Variants in ADAMTS18 observed in about 807,000 individuals in gnomAD.
ADAMTS18 encodes the protein A disintegrin and metalloproteinase with thrombospondin motifs 18.
Under a neutral mutation model 165.9 loss-of-function variants are expected in ADAMTS18, and 157 were observed. That is an observed-to-expected ratio of 0.95 (90% CI 0.83 to 1.08). The LOEUF is 1.08. Among genes scored for constraint, ADAMTS18 ranks in the 50% least tolerant of loss-of-function variants. ADAMTS18 has a pLI of 0.00. For synonymous variants in ADAMTS18, 782 were observed against 578.2 expected (o/e 1.35, Z -5.06); for missense variants, 2,040 against 1,534.0 (o/e 1.33, Z -5.51).
At chr16:77,370,790 G>GATATATATATATATATATATAT (rs148727471) in intron 3 of ADAMTS18, among the ~76,000 whole-genome samples, 35 of 147,052 alleles carry the variant, frequency 2.4e-4, no homozygotes, top group African/African-American at 8.4e-4. Context: ...TAATAGCTAC[G>GATATATATATATATATATATAT]ATATATATAT....
chr16:77,376,985 TTGTATTTTTAGTAGAGA>T (rs558203783), intron 3 of ADAMTS18, among the ~76,000 whole-genome samples: 40 of 152,114 alleles, frequency 2.6e-4, no homozygotes, highest in African/African-American at 9.2e-4. Flanking sequence ...CGGCTAGGTT[TTGTATTTTTAGTAGAGA>T]TGAGGTTTCA....
intron 10 of ADAMTS18, 99 bp from the exon 11 acceptor site, chr16:77,341,898 G>T: frequency 1.0e-6 from 1 of 955,392 alleles, no homozygotes; most frequent in Non-Finnish European, 1.6e-6. Context: ...TGGGGTAGCT[G>T]AAATCAGAGC....
Position 77,362,250 on chromosome 16 carries a change from G to A in ADAMTS18, c.1071C>T (p.Ile357=). ...LLEQEPGGLL[I]NHHADQSLNS... The stretch of plus-strand genomic sequence containing the variant: ...TCAGAGACTGGTCTGCATGATGGTT[G>A]ATCAATAATCCTCCCTATGGGAAAC... Residue 357 remains isoleucine (I), a synonymous_variant, in exon 7 of 23, where the codon ATC becomes ATT. Transcript: ENST00000282849. The A allele has an allele frequency of 6.2e-7, 1 of 1,614,130 alleles. No individual in the cohort carries two copies. The highest frequency in any genetic ancestry group is 8.5e-7 in the Non-Finnish European group (1 of 1,180,020).
chr16:77,322,616 G>T, intron 13 of ADAMTS18, 150 bp from the exon 14 acceptor site: 1 of 964,944 alleles, frequency 1.0e-6, no homozygotes, highest in Non-Finnish European at 1.6e-6. Flanking sequence ...CCCATATGAT[G>T]TGGCTTTCGA....
At chr16:77,325,737 C>T in intron 13 of ADAMTS18, 129 bp downstream of exon 13, 1 of 930,086 alleles carries the variant, frequency 1.1e-6, no homozygotes, top group Non-Finnish European at 1.6e-6. Context: ...AACACTGAGC[C>T]AGGATGGGTC....
At chr16:77,313,065 C>G (rs1465845791) in intron 16 of ADAMTS18, among the ~76,000 whole-genome samples, 1 of 152,082 alleles carries the variant, frequency 6.6e-6, no homozygotes, top group Non-Finnish European at 1.5e-5. Flanking sequence ...GAATGATGGA[C>G]TGGATTAAGA....
chr16:77,404,482 C>T (rs897448567), intron 3 of ADAMTS18, among the ~76,000 whole-genome samples: 4 of 151,930 alleles, frequency 2.6e-5, no homozygotes, highest in African/African-American at 9.7e-5. Context: ...AATAAAATTA[C>T]AAGAAAGAAG....
Position 77,423,699 on chromosome 16 carries a change from TTATC to T in ADAMTS18, c.495+7592_495+7595del, listed in dbSNP as rs913599663. 6.2e-4 allele frequency among the ~76,000 whole-genome samples: 95 copies of T among 152,266 alleles called. 1 individual carries two copies. The highest frequency in any genetic ancestry group is 2.1e-3 in the African/African-American group (86 of 41,558). On this transcript the variant is annotated intron_variant, in intron 3 of 22. Transcript: ENST00000282849. The stretch of plus-strand genomic sequence containing the variant: ...ATCATACATGAATTGATGCAAATCA[TTATC>T]TATCTGTTGATACTCCTCTTTGATT...
chr16:77,420,347 T>C (rs529596300), intron 3 of ADAMTS18, among the ~76,000 whole-genome samples: 1 of 152,288 alleles, frequency 6.6e-6, no homozygotes, highest in East Asian at 1.9e-4. Flanking sequence ...CCGTAACATT[T>C]ACCTAGCCCA....
At chr16:77,348,819 T>C (rs926232668) in intron 10 of ADAMTS18, among the ~76,000 whole-genome samples, 8 of 152,100 alleles carry the variant, frequency 5.3e-5, no homozygotes, top group African/African-American at 1.7e-4. Context: ...GAGAAATAAA[T>C]GTTTAAATCT....
chr16:77,381,853 A>T (rs1258272957), intron 3 of ADAMTS18, among the ~76,000 whole-genome samples: 1 of 152,098 alleles, frequency 6.6e-6, no homozygotes, highest in East Asian at 1.9e-4. Flanking sequence ...TTTTCACACC[A>T]AAAAGTATGA....
intron 22 of ADAMTS18, among the ~76,000 whole-genome samples, chr16:77,284,381 G>C (rs918598216): frequency 6.6e-6 from 1 of 152,080 alleles, no homozygotes; most frequent in Non-Finnish European, 1.5e-5. Flanking sequence ...GCCTGCTTCG[G>C]CCTCCCAAAG....
chr16:77,343,998 T>G (rs1265588521), intron 10 of ADAMTS18, among the ~76,000 whole-genome samples: 1 of 151,630 alleles, frequency 6.6e-6, no homozygotes, highest in Non-Finnish European at 1.5e-5. Flanking sequence ...CTCCATTTCA[T>G]GTAGATTTTA....
At chr16:77,421,118 T>C (rs138222393) in intron 3 of ADAMTS18, among the ~76,000 whole-genome samples, 5 of 152,262 alleles carry the variant, frequency 3.3e-5, no homozygotes, top group East Asian at 1.9e-4. Flanking sequence ...CCTTGACTTG[T>C]AGTGGTAATA....
At position 77,363,804 on chromosome 16, in the gene ADAMTS18, G is replaced by A. The variant is rs766635099; in HGVS notation, c.1054C>T (p.Pro352Ser). The A allele has an allele frequency of 2.0e-5, 33 of 1,613,612 alleles. No individual in the cohort carries two copies. Among genetic ancestry groups the A allele is most frequent in the Admixed American group, 3.3e-5 (2 of 59,974 alleles). The part of the protein sequence containing the change: ...VVSLILLEQE[P>S]GGLLINHHAD... ...CATAAATGAAGTTTGCCACTTACAG[G>A]TTCTTGTTCCAGAAGAATTAGGCTC... is the stretch of plus-strand genomic sequence containing the variant. The change falls in exon 6 of 23, where the codon CCT becomes TCT. Residue 352 changes from proline to serine, a missense_variant and splice_region_variant. Pro to Ser is a moderately conservative substitution (Grantham distance 74). Coordinates refer to ENST00000282849, the MANE Select transcript of ADAMTS18 (RefSeq NM_199355.4).
chr16:77,322,525 G>A, intron 13 of ADAMTS18, 59 bp from the exon 14 acceptor site: 3 of 1,582,664 alleles, frequency 1.9e-6, no homozygotes, highest in Non-Finnish European at 2.6e-6. Flanking sequence ...AAAAATGATA[G>A]GATTGTCAAA....
chr16:77,313,042 C>A (rs2055812509), intron 16 of ADAMTS18, among the ~76,000 whole-genome samples: 1 of 152,136 alleles, frequency 6.6e-6, no homozygotes, highest in Non-Finnish European at 1.5e-5. Flanking sequence ...TCGGAACCAA[C>A]CCAAATGTCC....
intron 16 of ADAMTS18, among the ~76,000 whole-genome samples, chr16:77,312,001 A>T (rs2144618249): frequency 6.6e-6 from 1 of 152,318 alleles, no homozygotes; most frequent in East Asian, 1.9e-4. Flanking sequence ...AGTAGTAAAT[A>T]ATTATTTTTA....
chr16:77,415,474 G>A (rs1350807055), intron 3 of ADAMTS18, among the ~76,000 whole-genome samples: 1 of 152,036 alleles, frequency 6.6e-6, no homozygotes, highest in Non-Finnish European at 1.5e-5. Context: ...AGCAACCCTG[G>A]GATTATCTTC....
Sources: gnomAD v4.1 joint callset for allele counts (sites outside exome capture counted in the v4.1 genomes callset) on GRCh38, gnomAD v4.1.1 for gene constraint, MANE v1.5 for transcripts, NCBI Gene and HGNC (gene_info 2026-07-23, HGNC 2026-07-21) for gene names.